CNTNAP2: variants seen among roughly 807,000 people sequenced by gnomAD.
CNTNAP2 encodes contactin-associated protein-like 2.
A neutral mutation model predicts 155.2 loss-of-function variants in CNTNAP2; 98 were observed. That is an observed-to-expected ratio of 0.63 (90% CI 0.54 to 0.75). The LOEUF is 0.75. CNTNAP2 is among the 30% of genes least tolerant of loss of function. The pLI is 0.00. For missense variants in CNTNAP2, 1,727 were observed against 1,688.1 expected (o/e 1.02, Z -0.40); for synonymous variants, 651 against 631.2 (o/e 1.03, Z -0.47).
intron 9 of CNTNAP2, among the ~76,000 whole-genome samples, chr7:147,310,080 G>C (rs1359940459): frequency 6.6e-6 from 1 of 152,100 alleles, no homozygotes; most frequent in Non-Finnish European, 1.5e-5. Context: ...TTGGAGATTG[G>C]AAAGTATTTA....
chr7:148,216,341 A>G (rs912961749), intron 18 of CNTNAP2, among the ~76,000 whole-genome samples: 21 of 152,238 alleles, frequency 1.4e-4, no homozygotes, highest in African/African-American at 4.1e-4. Context: ...TGAAATACCA[A>G]GGCCTAGAAA....
intron 17 of CNTNAP2, among the ~76,000 whole-genome samples, chr7:148,164,901 G>A (rs570256642): frequency 7.0e-4 from 106 of 151,692 alleles, no homozygotes; most frequent in African/African-American, 2.6e-3. Context: ...ACCTGCCTCG[G>A]TCTCCCAAAC....
At chr7:147,077,756 A>G (rs1352120123) in intron 4 of CNTNAP2, among the ~76,000 whole-genome samples, 6 of 152,156 alleles carry the variant, frequency 3.9e-5, no homozygotes, top group Non-Finnish European at 8.8e-5. Context: ...CTATAAAATG[A>G]GAATAATGAT....
At chr7:147,321,100 C>G (rs1795343893) in intron 9 of CNTNAP2, among the ~76,000 whole-genome samples, 1 of 152,238 alleles carries the variant, frequency 6.6e-6, no homozygotes, top group Admixed American at 6.5e-5. Context: ...CTTTTTCATA[C>G]TTACCTCTGT....
intron 1 of CNTNAP2, among the ~76,000 whole-genome samples, chr7:146,522,506 G>A (rs747630110): frequency 1.3e-5 from 2 of 151,904 alleles, no homozygotes; most frequent in Non-Finnish European, 2.9e-5. Context: ...TTCTTTGAAA[G>A]CACTCTTCTA....
At position 147,733,110 on chromosome 7, in the gene CNTNAP2, G is replaced by A. The variant is rs543167034; in HGVS notation, c.2098+93804G>A. 2.5e-3 allele frequency among the ~76,000 whole-genome samples: 379 copies of A among 152,310 alleles called. 2 individuals carry two copies. Among genetic ancestry groups the A allele is most frequent in the African/African-American group, 8.6e-3 (358 of 41,564 alleles). On this transcript the variant is annotated intron_variant, in intron 13 of 23. Coordinates refer to ENST00000361727, the MANE Select transcript of CNTNAP2 (RefSeq NM_014141.6). ...TTTTAGACATGAAGTCCTTGCCCAT[G>A]CCTATGTCCTGAATGGTATTGCCTA...
chr7:147,497,831 C>T (rs1048790058), intron 11 of CNTNAP2, among the ~76,000 whole-genome samples: 2 of 152,158 alleles, frequency 1.3e-5, no homozygotes, highest in Non-Finnish European at 2.9e-5. Flanking sequence ...CCTAAATTAC[C>T]TGAAGCTAGG....
intron 1 of CNTNAP2, among the ~76,000 whole-genome samples, chr7:146,457,778 C>T (rs554453018): frequency 6.6e-6 from 1 of 151,862 alleles, no homozygotes. Context: ...GCTGGGATTA[C>T]AGGTGTGAAC....
intron 16 of CNTNAP2, among the ~76,000 whole-genome samples, chr7:148,140,044 G>A (rs1325797005): frequency 6.6e-6 from 1 of 152,214 alleles, no homozygotes; most frequent in Non-Finnish European, 1.5e-5. Flanking sequence ...GCCGAAGGCT[G>A]CTATACTCAT....
At chr7:147,375,105 T>C (rs750889543) in intron 9 of CNTNAP2, among the ~76,000 whole-genome samples, 1 of 151,842 alleles carries the variant, frequency 6.6e-6, no homozygotes, top group Non-Finnish European at 1.5e-5. Context: ...CGTGTCTGCT[T>C]CCCCTTCCAC....
intron 8 of CNTNAP2, among the ~76,000 whole-genome samples, chr7:147,178,209 T>G (rs933796213): frequency 6.6e-6 from 1 of 151,986 alleles, no homozygotes; most frequent in African/African-American, 2.4e-5. Flanking sequence ...ATCACATGAG[T>G]CCTTCAAAAC....
chr7:148,149,459 G>C (rs1266401775), intron 17 of CNTNAP2, among the ~76,000 whole-genome samples: 3 of 152,236 alleles, frequency 2.0e-5, no homozygotes, highest in Middle Eastern at 6.8e-3. Flanking sequence ...AATTAGGAGA[G>C]AGTAATGTCA....
chr7:147,903,822 G>A (rs906790093), intron 14 of CNTNAP2, 101 bp downstream of exon 14: 20 of 1,401,806 alleles, frequency 1.4e-5, no homozygotes, highest in African/African-American at 8.6e-5. Flanking sequence ...ATAATAATAC[G>A]ATAATAGGGT....
chr7:146,210,260 T>A (rs1799012635), intron 1 of CNTNAP2, among the ~76,000 whole-genome samples: 1 of 152,154 alleles, frequency 6.6e-6, no homozygotes, highest in African/African-American at 2.4e-5. Flanking sequence ...CTACCATATG[T>A]GAAGTGAAGA....
At chr7:146,173,548 C>T (rs1184467741) in intron 1 of CNTNAP2, among the ~76,000 whole-genome samples, 1 of 152,024 alleles carries the variant, frequency 6.6e-6, no homozygotes, top group Non-Finnish European at 1.5e-5. Flanking sequence ...AAATTCAAAT[C>T]TGTGATGCTA....
intron 3 of CNTNAP2, among the ~76,000 whole-genome samples, chr7:146,939,987 A>G (rs1366490231): frequency 6.6e-6 from 1 of 152,170 alleles, no homozygotes; most frequent in Admixed American, 6.5e-5. Flanking sequence ...AATTTAACAC[A>G]TTGCCAAACT....
intron 8 of CNTNAP2, among the ~76,000 whole-genome samples, chr7:147,244,669 C>T (rs943594997): frequency 6.6e-6 from 1 of 152,110 alleles, no homozygotes; most frequent in East Asian, 1.9e-4. Flanking sequence ...ATATGATAAG[C>T]AGGGTAAGTA....
At chr7:147,432,560 A>G (rs1043737811) in intron 10 of CNTNAP2, among the ~76,000 whole-genome samples, 9 of 152,206 alleles carry the variant, frequency 5.9e-5, no homozygotes, top group African/African-American at 2.2e-4. Flanking sequence ...GCTTCACAAA[A>G]TTTGCCCAGC....
At chr7:148,009,665 C>T (rs772892267) in intron 15 of CNTNAP2, among the ~76,000 whole-genome samples, 4 of 152,042 alleles carry the variant, frequency 2.6e-5, no homozygotes, top group Non-Finnish European at 5.9e-5. Flanking sequence ...GTATGTTTTG[C>T]ATATTTTCAA....
Sources: allele counts gnomAD v4.1 joint callset (sites outside exome capture counted in the v4.1 genomes callset), GRCh38; gene constraint gnomAD v4.1.1; transcripts MANE v1.5; gene names NCBI Gene and HGNC (gene_info 2026-07-23, HGNC 2026-07-21).